MICAL2: variants seen among roughly 807,000 people sequenced by gnomAD.
MICAL2 encodes microtubule associated monooxygenase, calponin and LIM domain containing 2, also known as [F-actin]-monooxygenase MICAL2.
A neutral mutation model predicts 127.3 loss-of-function variants in MICAL2; 77 were observed. The observed-to-expected ratio is 0.60, with a 90% CI of 0.50 to 0.73. The LOEUF (loss-of-function observed/expected upper bound fraction) is 0.73. Ranked by LOEUF, MICAL2 falls within the 30% of genes least tolerant of loss-of-function variation. The pLI is 0.00. For synonymous variants in MICAL2, 570 were observed against 551.1 expected (o/e 1.03, Z -0.48); for missense variants, 1,351 against 1,434.4 (o/e 0.94, Z 0.94).
At chr11:12,308,955 T>C (rs902140987) in intron 29 of MICAL2, among the ~76,000 whole-genome samples, 18 of 152,234 alleles carry the variant, frequency 1.2e-4, no homozygotes, top group African/African-American at 4.3e-4. Flanking sequence ...TGTAAGCAAA[T>C]GCTTTTTCTG....
At chr11:12,241,228 G>T in intron 18 of MICAL2, 66 bp downstream of exon 18, 1 of 1,551,106 alleles carries the variant, frequency 6.4e-7, no homozygotes, top group Non-Finnish European at 8.7e-7. Context: ...AGATGGGTGG[G>T]GTCAGTGGCT....
intron 3 of MICAL2, among the ~76,000 whole-genome samples, chr11:12,166,065 A>G (rs1391384183): frequency 6.6e-6 from 1 of 152,228 alleles, no homozygotes; most frequent in Non-Finnish European, 1.5e-5. Flanking sequence ...CACCCGACTG[A>G]GTAGTGTTAC....
chr11:12,146,963 G>A (rs1250885828), intron 2 of MICAL2, among the ~76,000 whole-genome samples: 3 of 151,932 alleles, frequency 2.0e-5, no homozygotes, highest in East Asian at 1.9e-4. Flanking sequence ...TGCAAGGACA[G>A]AAAACCAAAC....
chr11:12,256,856 G>A lies in MICAL2; in HGVS notation c.3027G>A (p.Val1009=). Residue 1009 remains valine (V), a synonymous_variant, in exon 24 of 28, where the codon GTG becomes GTA. Coordinates refer to ENST00000683283, the MANE Select transcript of MICAL2 (RefSeq NM_001282663.2). ...CGTGTTACTTCTGTAAGAAACGTGT[G>A]TACGTGATGGAACGGCTGAGCGCCG... ...SDTCYFCKKR[V]YVMERLSAEG... 1 of 1,614,218 alleles carries A rather than the reference G, an allele frequency of 6.2e-7. No individual in the cohort carries two copies. The highest frequency in any genetic ancestry group is 2.2e-5 in the East Asian group (1 of 44,888).
intron 4 of MICAL2, chr11:12,207,575 C>A: frequency 6.5e-6 from 1 of 154,350 alleles, no homozygotes; most frequent in Non-Finnish European, 1.4e-5. Context: ...AGGCGTAGGC[C>A]CCATGTAATG....
chr11:12,143,610 G>T (rs1165897750), intron 2 of MICAL2, among the ~76,000 whole-genome samples: 1 of 152,124 alleles, frequency 6.6e-6, no homozygotes, highest in Non-Finnish European at 1.5e-5. Flanking sequence ...GGGGTGGGAC[G>T]GGCCACACCA....
downstream of MICAL2, chr11:12,293,933 G>A (rs1863938285): frequency 6.2e-7 from 1 of 1,612,958 alleles, no homozygotes; most frequent in African/African-American, 1.3e-5. Flanking sequence ...AGAAGAGGGA[G>A]GGCCAGTGCT....
downstream of MICAL2, chr11:12,293,699 T>C: frequency 6.2e-7 from 1 of 1,612,808 alleles, no homozygotes; most frequent in Non-Finnish European, 8.5e-7. Context: ...AAAGCCAGAG[T>C]GGGCAGAGTA....
chr11:12,343,878 A>C (rs187189881), intron 32 of MICAL2, among the ~76,000 whole-genome samples: 33 of 152,340 alleles, frequency 2.2e-4, no homozygotes, highest in African/African-American at 7.5e-4. Flanking sequence ...GAAGGGACTG[A>C]ATCTAGATAC....
At chr11:12,327,371 C>A in intron 32 of MICAL2, 1 of 906,260 alleles carries the variant, frequency 1.1e-6, no homozygotes, top group Non-Finnish European at 1.7e-6. Context: ...GATCTGTCAG[C>A]ATGGACATAT....
chr11:12,306,247 C>T (rs79091323), intron 29 of MICAL2, among the ~76,000 whole-genome samples: 108 of 152,080 alleles, frequency 7.1e-4, no homozygotes, highest in African/African-American at 2.5e-3. Context: ...TGATTTCTAA[C>T]AGTATTCATT....
At chr11:12,292,756 A>G (rs2134785716), downstream of MICAL2, among the ~76,000 whole-genome samples, 1 of 152,274 alleles carries the variant, frequency 6.6e-6, no homozygotes, top group Non-Finnish European at 1.5e-5. Context: ...TTCCTTCTGT[A>G]TGTATTTATC....
intron 32 of MICAL2, among the ~76,000 whole-genome samples, chr11:12,347,561 T>C (rs181842507): frequency 2.6e-5 from 4 of 152,268 alleles, no homozygotes; most frequent in Admixed American, 2.0e-4. Context: ...AGTAAATAAT[T>C]TGGGATATTG....
At chr11:12,173,656 C>T (rs945606138) in intron 3 of MICAL2, among the ~76,000 whole-genome samples, 6 of 152,176 alleles carry the variant, frequency 3.9e-5, no homozygotes, top group African/African-American at 1.4e-4. Flanking sequence ...GATTTTTCCT[C>T]ACTCCAAATA....
intron 7 of MICAL2, 87 bp from the exon 8 acceptor site, chr11:12,216,132 A>T: frequency 1.0e-6 from 1 of 955,082 alleles, no homozygotes; most frequent in South Asian, 1.4e-5. Context: ...ATAAATAACA[A>T]GACCAATAGT....
At chr11:12,343,871 G>C (rs2134886729) in intron 32 of MICAL2, among the ~76,000 whole-genome samples, 1 of 152,280 alleles carries the variant, frequency 6.6e-6, no homozygotes, top group Middle Eastern at 3.4e-3. Flanking sequence ...ATATCTAGAA[G>C]GGACTGAATC....
chr11:12,320,551 G>A (rs1172966833), intron 30 of MICAL2, among the ~76,000 whole-genome samples: 1 of 152,086 alleles, frequency 6.6e-6, no homozygotes, highest in Non-Finnish European at 1.5e-5. Context: ...GGGTGGCAGG[G>A]GTTATTGAAT....
At position 12,237,865 on chromosome 11, in the gene MICAL2, G is replaced by A. The variant is rs151159312; in HGVS notation, c.2065-1571G>A. 1.5e-3 allele frequency among the ~76,000 whole-genome samples: 226 copies of A among 152,298 alleles called. 1 individual carries two copies. The highest frequency in any genetic ancestry group is 4.7e-3 in the African/African-American group (195 of 41,562). ...TGATTTCCTGGTGATTCGTGGACCCGTTAATGTCTGAAAGTGCTGGCCTGT... is the reference window on the plus strand; with the variant it reads ...TGATTTCCTGGTGATTCGTGGACCCATTAATGTCTGAAAGTGCTGGCCTGT... On this transcript the variant is annotated intron_variant, in intron 16 of 27. Coordinates refer to ENST00000683283, the MANE Select transcript of MICAL2 (RefSeq NM_001282663.2).
chr11:12,335,487 G>A (rs1454509840), intron 32 of MICAL2, among the ~76,000 whole-genome samples: 1 of 152,008 alleles, frequency 6.6e-6, no homozygotes, highest in Non-Finnish European at 1.5e-5. Context: ...TTTGGCTTTT[G>A]TTGCCATTGC....
Sources: allele counts gnomAD v4.1 joint callset (sites outside exome capture counted in the v4.1 genomes callset), GRCh38; gene constraint gnomAD v4.1.1; transcripts MANE v1.5; gene names NCBI Gene and HGNC (gene_info 2026-07-23, HGNC 2026-07-21).